FNDC3A: variants seen among roughly 807,000 people sequenced by gnomAD.
The protein encoded by FNDC3A is fibronectin type III domain containing 3A, also known as fibronectin type-III domain-containing protein 3A.
FNDC3A carries 32 observed loss-of-function variants against 148.9 expected under a neutral mutation model. The observed-to-expected ratio is 0.21, with a 90% confidence interval of 0.16 to 0.29. The LOEUF (loss-of-function observed/expected upper bound fraction) is 0.29. Among genes scored for constraint, FNDC3A ranks in the 10% least tolerant of loss-of-function variants. The pLI is 1.00. For missense variants in FNDC3A, 1,191 were observed against 1,452.8 expected, an observed-to-expected ratio of 0.82 and a Z score of 2.93; for synonymous variants, 472 against 473.6, an observed-to-expected ratio of 1.00 and a Z score of 0.04.
intron 24 of FNDC3A, among the ~76,000 whole-genome samples, chr13:49,202,215 A>T (rs918073661): frequency 4.6e-5 from 7 of 152,214 alleles, no homozygotes; most frequent in Non-Finnish European, 1.0e-4. Flanking sequence ...TAGCATAAAA[A>T]TACTAAATTG....
intron 3 of FNDC3A, among the ~76,000 whole-genome samples, chr13:49,112,851 TAATTAA>T (rs1257931734): frequency 2.0e-5 from 3 of 152,176 alleles, no homozygotes; most frequent in African/African-American, 7.2e-5. Flanking sequence ...TAGCTATATA[TAATTAA>T]AATAATATTC....
intron 1 of FNDC3A, among the ~76,000 whole-genome samples, chr13:49,005,466 T>C (rs1309009927): frequency 2.6e-5 from 4 of 151,610 alleles, no homozygotes; most frequent in South Asian, 4.2e-4. Context: ...GTATGTGATA[T>C]TGTGTGTACA....
rs141917340 is a variant in FNDC3A at position 49,021,785 on chromosome 13, C to T, written c.99+15496C>T. Among the ~76,000 whole-genome samples the T allele has an allele frequency of 2.1e-3, 314 of 152,192 alleles. 1 individual carries two copies. Among genetic ancestry groups the T allele is most frequent in the Non-Finnish European group, 3.6e-3 (248 of 67,990 alleles). ...TTTGGAGGTTAACACTGTGTCATTC[C>T]TAATGATATCTTCCAAAATGGAGTT... On this transcript the variant is annotated intron_variant, in intron 2 of 25. Transcript: ENST00000492622.
intron 3 of FNDC3A, among the ~76,000 whole-genome samples, chr13:49,106,970 T>C (rs1334902588): frequency 6.6e-6 from 1 of 152,158 alleles, no homozygotes; most frequent in Non-Finnish European, 1.5e-5. Context: ...TTGTAGGAAA[T>C]TATTTTTAAA....
intron 3 of FNDC3A, among the ~76,000 whole-genome samples, chr13:49,078,966 A>C (rs1255988962): frequency 6.6e-6 from 1 of 152,222 alleles, no homozygotes; most frequent in African/African-American, 2.4e-5. Context: ...TAATGAATTG[A>C]GATAAGAGCT....
intron 7 of FNDC3A, among the ~76,000 whole-genome samples, chr13:49,143,942 C>T (rs1181223835): frequency 2.0e-5 from 3 of 151,538 alleles, no homozygotes; most frequent in Non-Finnish European, 2.9e-5. Context: ...GCCAGGAGCT[C>T]GAGACCATCC....
intron 5 of FNDC3A, among the ~76,000 whole-genome samples, chr13:49,133,746 A>G (rs115062119): frequency 0.019 from 2,843 of 152,318 alleles, 92 homozygotes; most frequent in African/African-American, 0.063. Context: ...GCAAAATTCA[A>G]ATGAGGAAAC....
chr13:49,187,578 C>T, intron 16 of FNDC3A: 1 of 1,610,670 alleles, frequency 6.2e-7, no homozygotes, highest in South Asian at 1.1e-5. Flanking sequence ...ACTTGTTTTC[C>T]ACTGAAAATG....
At chr13:49,121,280 A>G (rs1881325514) in intron 4 of FNDC3A, among the ~76,000 whole-genome samples, 1 of 152,206 alleles carries the variant, frequency 6.6e-6, no homozygotes. Flanking sequence ...AGAAATAAAG[A>G]TGTTCTTTGA....
intron 2 of FNDC3A, among the ~76,000 whole-genome samples, chr13:49,024,052 C>T (rs535125387): frequency 1.8e-4 from 27 of 151,902 alleles, no homozygotes; most frequent in Non-Finnish European, 3.1e-4. Context: ...GACATCACAA[C>T]GGATACCACA....
At chr13:49,127,012 CTT>C (rs1323930398) in intron 4 of FNDC3A, among the ~76,000 whole-genome samples, 1 of 152,212 alleles carries the variant, frequency 6.6e-6, no homozygotes, top group Non-Finnish European at 1.5e-5. Flanking sequence ...TAGCCCCACA[CTT>C]CCACCAGTGT....
chr13:49,090,302 G>C (rs1879100403), intron 3 of FNDC3A, among the ~76,000 whole-genome samples: 2 of 152,250 alleles, frequency 1.3e-5, no homozygotes, highest in East Asian at 3.9e-4. Flanking sequence ...TGTGCCTGTA[G>C]TCCCAGCTAG....
At chr13:49,153,120 T>G (rs1883422415) in intron 8 of FNDC3A, among the ~76,000 whole-genome samples, 1 of 151,964 alleles carries the variant, frequency 6.6e-6, no homozygotes, top group African/African-American at 2.4e-5. Flanking sequence ...GTTGAACTAG[T>G]TTACAGTCCC....
chr13:49,136,274 G>T (rs1433830827), intron 5 of FNDC3A, 58 bp from the exon 6 acceptor site: 4 of 1,400,920 alleles, frequency 2.9e-6, no homozygotes, highest in African/African-American at 2.9e-5. Flanking sequence ...TTTTTTCATG[G>T]CATAAACTTA....
At chr13:49,111,538 C>A (rs949987754) in intron 3 of FNDC3A, among the ~76,000 whole-genome samples, 1 of 151,938 alleles carries the variant, frequency 6.6e-6, no homozygotes, top group Admixed American at 6.6e-5. Context: ...CCAGCCTGGC[C>A]AACATGGTGA....
intron 3 of FNDC3A, among the ~76,000 whole-genome samples, chr13:49,114,304 T>A (rs943887173): frequency 5.9e-5 from 9 of 152,084 alleles, no homozygotes; most frequent in African/African-American, 1.9e-4. Flanking sequence ...TACACTATTA[T>A]AAGAGTCACC....
intron 4 of FNDC3A, among the ~76,000 whole-genome samples, chr13:49,122,280 G>T (rs1403533924): frequency 6.6e-6 from 1 of 151,876 alleles, no homozygotes; most frequent in Non-Finnish European, 1.5e-5. Context: ...CACAGAAAAG[G>T]CCTTCAATAA....
At position 49,170,197 on chromosome 13, in the gene FNDC3A, TATC is replaced by T. The variant is rs530617176; in HGVS notation, c.1176+1449_1176+1451del. Reference sequence around the variant, plus strand: ...AGTAATCAACATGGTTGGAAAAAGATATCATTGTCACTGTTATTGGAGGATAGT... The same window carrying T: ...AGTAATCAACATGGTTGGAAAAAGATATTGTCACTGTTATTGGAGGATAGT... On this transcript the variant is annotated intron_variant, in intron 10 of 25. Coordinates refer to ENST00000492622, the MANE Select transcript of FNDC3A (RefSeq NM_001079673.2). Among the ~76,000 whole-genome samples the T allele has an allele frequency of 1.7e-4, 26 of 152,220 alleles. No homozygotes were observed. In the South Asian group the frequency reaches 5.4e-3, roughly 32 times the overall value.
At chr13:48,987,398 A>C (rs1206074423) in intron 1 of FNDC3A, among the ~76,000 whole-genome samples, 1 of 152,226 alleles carries the variant, frequency 6.6e-6, no homozygotes, top group Non-Finnish European at 1.5e-5. Flanking sequence ...TTTTTGATCA[A>C]GATTTCCTTT....
Sources: gnomAD v4.1 joint callset for allele counts (sites outside exome capture counted in the v4.1 genomes callset) on GRCh38, gnomAD v4.1.1 for gene constraint, MANE v1.5 for transcripts, NCBI Gene and HGNC (gene_info 2026-07-23, HGNC 2026-07-21) for gene names.